The following IRAG2 variants were observed in gnomAD, a reference collection of about 807,000 sequenced individuals.
IRAG2 encodes the protein lymphoid restricted membrane protein.
In IRAG2, 45 loss-of-function variants were observed where a neutral mutation model predicts 69.9. That is an observed-to-expected ratio of 0.64 (90% CI 0.51 to 0.83). The LOEUF (loss-of-function observed/expected upper bound fraction) is 0.83, where lower values mean the gene tolerates loss of function less well. Among genes scored for constraint, IRAG2 ranks in the 40% least tolerant of loss-of-function variants. The probability of loss-of-function intolerance (pLI) is 0.00; values close to 1 mark genes in which losing one functional copy is unlikely to be tolerated. For missense variants in IRAG2, 520 were observed against 587.0 expected (o/e 0.89, Z 1.18); for synonymous variants, 193 against 202.4 (o/e 0.95, Z 0.40).
intron 8 of IRAG2, chr12:25,026,640 A>T (rs1944624194): frequency 2.5e-6 from 1 of 392,228 alleles, no homozygotes; most frequent in South Asian, 1.4e-4. Context: ...GTTTGAATTT[A>T]TGACTATGGG....
chr12:25,048,544 G>A (rs1188784172), upstream of IRAG2, among the ~76,000 whole-genome samples: 3 of 152,044 alleles, frequency 2.0e-5, no homozygotes, highest in African/African-American at 7.2e-5. Context: ...CAATCCACCC[G>A]CCTCAGCCTC....
rs573885157 is a variant in IRAG2 at position 25,079,601 on chromosome 12, C to A, written c.137-55C>A. The A allele has an allele frequency of 1.4e-3, 1,789 of 1,282,558 alleles. 10 individuals carry two copies. Among genetic ancestry groups the A allele is most frequent in the South Asian group, 6.1e-3 (514 of 83,918 alleles). The allele number at this position is 1,282,558 out of a possible 1,614,324, so 79.4% of individuals were successfully genotyped here. On this transcript the variant is annotated intron_variant, in intron 8 of 21. Transcript: ENST00000556887. ...CTTTTGCATAGTATAGTTAAATACA[C>A]TATATATAATATTATGTGCATAGTA...
At chr12:25,034,398 GACATT>G (rs2139851442) in intron 13 of IRAG2, among the ~76,000 whole-genome samples, 1 of 152,296 alleles carries the variant, frequency 6.6e-6, no homozygotes, top group East Asian at 1.9e-4. Context: ...CCAAATTAAT[GACATT>G]GATTATTACA....
chr12:25,076,387 C>A, intron 6 of IRAG2: 1 of 970,024 alleles, frequency 1.0e-6, no homozygotes, highest in Non-Finnish European at 1.2e-6. Context: ...TCATATCTAA[C>A]GTATAGGGCA....
chr12:25,099,921 AC>A (rs1219357993), intron 15 of IRAG2, among the ~76,000 whole-genome samples: 1 of 142,102 alleles, frequency 7.0e-6, no homozygotes, highest in Non-Finnish European at 1.5e-5. Flanking sequence ...ACTCACTTGA[AC>A]CCGGGAGGCA....
At chr12:25,056,379 T>G (rs1945262307) in intron 1 of IRAG2, among the ~76,000 whole-genome samples, 1 of 152,176 alleles carries the variant, frequency 6.6e-6, no homozygotes, top group Admixed American at 6.6e-5. Flanking sequence ...GACCCAAGTT[T>G]TCCCAAATGA....
chr12:25,033,079 C>T (rs2139849762), intron 12 of IRAG2, among the ~76,000 whole-genome samples: 1 of 152,176 alleles, frequency 6.6e-6, no homozygotes, highest in Non-Finnish European at 1.5e-5. Context: ...GTCTCAGTCC[C>T]CCAGTAAGCT....
intron 9 of IRAG2, among the ~76,000 whole-genome samples, chr12:25,029,758 G>A (rs1374720468): frequency 6.6e-6 from 1 of 151,952 alleles, no homozygotes; most frequent in Admixed American, 6.6e-5. Flanking sequence ...GTAGCTCACT[G>A]CACCTTCGAA....
At position 25,090,215 on chromosome 12, in the gene IRAG2, TG is replaced by T; in HGVS notation, c.606+21del. On this transcript the variant is annotated intron_variant, in intron 14 of 21. Transcript: ENST00000556887. ...TATTAGAGGTGAGAATCAGAACATT[TG>T]GGATATAAACATTTGGTCTAGCCAG... The T allele has an allele frequency of 6.2e-7, 1 of 1,611,060 alleles. No homozygotes were observed. The highest frequency in any genetic ancestry group is 8.5e-7 in the Non-Finnish European group (1 of 1,178,172).
intron 14 of IRAG2, among the ~76,000 whole-genome samples, chr12:25,094,129 T>C (rs1176433430): frequency 6.6e-6 from 1 of 152,144 alleles, no homozygotes; most frequent in Non-Finnish European, 1.5e-5. Context: ...TTGTCTGTGC[T>C]CTCGGTGTTA....
intron 6 of IRAG2, among the ~76,000 whole-genome samples, chr12:25,018,096 G>A (rs1944546324): frequency 6.6e-6 from 1 of 151,926 alleles, no homozygotes; most frequent in African/African-American, 2.4e-5. Context: ...TTCAGATGAT[G>A]GACATTTGGA....
At chr12:25,015,105 A>AAAAAAAAAAAAAAAAAAAAC (rs1944513118) in intron 3 of IRAG2, 1 of 355,044 alleles carries the variant, frequency 2.8e-6, no homozygotes, top group Non-Finnish European at 4.0e-6. Flanking sequence ...AAAAAAAAAA[A>AAAAAAAAAAAAAAAAAAAAC]AAAAAAAGAC....
upstream of IRAG2, chr12:25,052,430 G>GAAC (rs754012969): frequency 1.5e-5 from 6 of 393,162 alleles, no homozygotes; most frequent in Non-Finnish European, 2.7e-5. Context: ...AATGGAGGAG[G>GAAC]AACAACAACA....
chr12:25,047,773 C>G (rs530989949), upstream of IRAG2, among the ~76,000 whole-genome samples: 3 of 152,284 alleles, frequency 2.0e-5, no homozygotes, highest in African/African-American at 7.2e-5. Flanking sequence ...CATCCATGTC[C>G]CTGCAAAGGA....
At chr12:25,043,977 A>G (rs1286363478) in intron 16 of IRAG2, among the ~76,000 whole-genome samples, 1 of 152,230 alleles carries the variant, frequency 6.6e-6, no homozygotes, top group Non-Finnish European at 1.5e-5. Flanking sequence ...AAGAATTTTA[A>G]CAAAAAGAAA....
At chr12:25,103,772 TGGTG>T in intron 17 of IRAG2, 61 bp from the exon 18 acceptor site, 2 of 1,109,540 alleles carry the variant, frequency 1.8e-6, no homozygotes, top group East Asian at 4.7e-5. Flanking sequence ...GGATATTTAT[TGGTG>T]TTGCATATAA....
At chr12:25,028,370 T>C (rs1165223807) in intron 9 of IRAG2, among the ~76,000 whole-genome samples, 1 of 152,214 alleles carries the variant, frequency 6.6e-6, no homozygotes, top group Non-Finnish European at 1.5e-5. Flanking sequence ...ATATGGCAAT[T>C]TTTAATTTAA....
chr12:25,087,655 A>C (rs946441199), intron 10 of IRAG2, among the ~76,000 whole-genome samples: 17 of 152,100 alleles, frequency 1.1e-4, no homozygotes, highest in Non-Finnish European at 8.8e-5. Context: ...AAAACTGTAG[A>C]GCAGGGGTCC....
chr12:25,096,827 C>A, intron 14 of IRAG2, 83 bp from the exon 15 acceptor site: 6 of 1,044,012 alleles, frequency 5.7e-6, no homozygotes, highest in African/African-American at 1.6e-5. Context: ...AGAATGTCAT[C>A]CACATTTGCA....
Sources: allele counts gnomAD v4.1 joint callset (sites outside exome capture counted in the v4.1 genomes callset), GRCh38; gene constraint gnomAD v4.1.1; transcripts MANE v1.5; gene names NCBI Gene and HGNC (gene_info 2026-07-23, HGNC 2026-07-21).